Variants in PARP8 observed in about 807,000 individuals in gnomAD.
PARP8 encodes the protein poly(ADP-ribose) polymerase family member 8.
In PARP8, 51 loss-of-function variants were observed where a neutral mutation model predicts 124.1. That is an observed-to-expected ratio of 0.41 (90% confidence interval 0.33 to 0.52). The LOEUF (loss-of-function observed/expected upper bound fraction) is 0.52. PARP8 is among the 20% of genes least tolerant of loss of function. The pLI, the probability that PARP8 is intolerant of heterozygous loss-of-function variation, is 0.21. For synonymous variants in PARP8, 391 were observed against 361.5 expected, an observed-to-expected ratio of 1.08 and a Z score of -0.93; for missense variants, 860 against 1,018.9, an observed-to-expected ratio of 0.84 and a Z score of 2.12.
At chr5:50,687,135 G>A (rs926288531) in intron 2 of PARP8, among the ~76,000 whole-genome samples, 1 of 152,080 alleles carries the variant, frequency 6.6e-6, no homozygotes, top group Non-Finnish European at 1.5e-5. Context: ...AAAACTGAAT[G>A]CCTTTAACAG....
At chr5:50,667,500 A>G in intron 1 of PARP8, 2 of 700,104 alleles carry the variant, frequency 2.9e-6, no homozygotes, top group South Asian at 1.5e-5. Context: ...GCCTCCAAGC[A>G]CGCTTCCTGG....
intron 9 of PARP8, among the ~76,000 whole-genome samples, chr5:50,782,080 C>T (rs946597903): frequency 1.3e-5 from 2 of 152,170 alleles, no homozygotes; most frequent in Non-Finnish European, 2.9e-5. Context: ...CAGACCAATC[C>T]GGAGTGTCCT....
chr5:50,755,855 G>A (rs1035723893), intron 3 of PARP8, among the ~76,000 whole-genome samples: 3 of 151,890 alleles, frequency 2.0e-5, no homozygotes, highest in African/African-American at 4.8e-5. Flanking sequence ...CTTTTATTTT[G>A]TTCAGCAGTG....
intron 2 of PARP8, among the ~76,000 whole-genome samples, chr5:50,720,688 T>G (rs1400054993): frequency 1.3e-5 from 2 of 151,710 alleles, no homozygotes; most frequent in African/African-American, 4.8e-5. Context: ...AACATCAGGT[T>G]TCTATAGAAA....
intron 2 of PARP8, among the ~76,000 whole-genome samples, chr5:50,722,417 G>A (rs563871287): frequency 2.0e-5 from 3 of 152,124 alleles, no homozygotes; most frequent in East Asian, 1.9e-4. Context: ...GTTTGCAGAG[G>A]AGGATGAAGC....
chr5:50,815,840 T>C lies in PARP8; in HGVS notation c.1668+316T>C, dbSNP rs565996587. Among the ~76,000 whole-genome samples, 208 of 152,282 alleles carry C rather than the reference T, an allele frequency of 1.4e-3. 1 individual carries two copies. The highest frequency in any genetic ancestry group is 5.0e-3 in the African/African-American group (206 of 41,562). On this transcript the variant is annotated intron_variant, in intron 15 of 25. Transcript: ENST00000281631. ...GCATGCTTTATGTAAAATTTATTTG[T>C]AAAGATAACTGCCATAAAATGGAAG...
intron 15 of PARP8, among the ~76,000 whole-genome samples, chr5:50,820,579 T>C (rs1387313545): frequency 6.6e-6 from 1 of 152,286 alleles, no homozygotes; most frequent in South Asian, 2.1e-4. Flanking sequence ...TGGACTTGGA[T>C]AGAGGAGAAT....
rs1333918752 is a variant in PARP8 at position 50,844,370 on chromosome 5, T to C, written c.*2302T>C. 1 of 151,760 alleles carries C rather than the reference T, an allele frequency of 6.6e-6. No individual in the cohort carries two copies. Among genetic ancestry groups the C allele is most frequent in the Non-Finnish European group, 1.5e-5 (1 of 67,774 alleles). 9.4% of individuals were successfully genotyped at this position (151,760 alleles called of 1,614,324 possible). A position where few individuals can be genotyped will look rare whatever the true frequency, so the allele number is the denominator to read the frequency against. On this transcript the variant is annotated 3_prime_UTR_variant, in exon 26 of 26. Coordinates refer to ENST00000281631, the MANE Select transcript of PARP8 (RefSeq NM_024615.4). ...AATCTTATTTTTTAATTGAACTTTTTGAAATTAGGGATACTATAATAACTG... is the reference window on the plus strand; with the variant it reads ...AATCTTATTTTTTAATTGAACTTTTCGAAATTAGGGATACTATAATAACTG...
At position 50,794,834 on chromosome 5, in the gene PARP8, T is replaced by A. The variant is rs1742346033; in HGVS notation, c.864-19T>A. The A allele has an allele frequency of 6.3e-7, 1 of 1,598,800 alleles. No homozygotes were observed. The highest frequency in any genetic ancestry group is 8.5e-7 in the Non-Finnish European group (1 of 1,170,072). ...GTACCTGTGATTTGCCCTGTAGTAA[T>A]TGTTGTTCAATTTTGAAGGTCGCCA... is the stretch of plus-strand genomic sequence containing the variant. On this transcript the variant is annotated intron_variant, in intron 11 of 25. Coordinates refer to ENST00000281631, the MANE Select transcript of PARP8 (RefSeq NM_024615.4).
intron 3 of PARP8, among the ~76,000 whole-genome samples, chr5:50,755,132 C>T (rs1759778891): frequency 1.3e-5 from 2 of 152,096 alleles, no homozygotes; most frequent in Non-Finnish European, 2.9e-5. Context: ...CTGTAGGCTG[C>T]CTGTTCACTC....
intron 2 of PARP8, among the ~76,000 whole-genome samples, chr5:50,735,269 G>A (rs1405126372): frequency 6.6e-6 from 1 of 152,010 alleles, no homozygotes. Context: ...TCAATGTTGC[G>A]AATATCAAGT....
intron 2 of PARP8, 39 bp from the exon 3 acceptor site, chr5:50,750,112 G>A: frequency 6.8e-7 from 1 of 1,470,044 alleles, no homozygotes; most frequent in Admixed American, 1.8e-5. Context: ...GTCTACCTTA[G>A]CAATAACTTG....
At chr5:50,759,601 TA>T (rs751171420) in intron 3 of PARP8, 41 bp from the exon 4 acceptor site, 2 of 1,513,742 alleles carry the variant, frequency 1.3e-6, no homozygotes, top group African/African-American at 1.4e-5. Context: ...ATGTATTTTT[TA>T]AACTTATGCC....
intron 5 of PARP8, 55 bp downstream of exon 5, chr5:50,760,417 T>A: frequency 7.9e-7 from 1 of 1,273,490 alleles, no homozygotes. Flanking sequence ...ATTTAAAATT[T>A]ACTGGGTTTT....
chr5:50,667,510 G>C, intron 1 of PARP8: 2 of 697,418 alleles, frequency 2.9e-6, no homozygotes, highest in South Asian at 3.0e-5. Flanking sequence ...ACGCTTCCTG[G>C]GTTCCAGCAG....
Position 50,794,306 on chromosome 5 carries a change from C to T in PARP8, c.837C>T (p.Pro279=), listed in dbSNP as rs1362442783. 1 of 1,613,130 alleles carries T rather than the reference C, an allele frequency of 6.2e-7. No homozygotes were observed. Among genetic ancestry groups the T allele is most frequent in the African/African-American group, 1.3e-5 (1 of 74,978 alleles). Residue 279 remains proline (P), a synonymous_variant, in exon 11 of 26, where the codon CCC becomes CCT. Coordinates refer to ENST00000281631, the MANE Select transcript of PARP8 (RefSeq NM_024615.4). The part of the protein sequence containing the change: ...KKLSEKKVKS[P]LHLFSTLRRS... ...TGTCAGAGAAGAAAGTGAAGTCTCCCCTGCATTTATTTTCTACTTTGCGCA... is the reference window on the plus strand; with the variant it reads ...TGTCAGAGAAGAAAGTGAAGTCTCCTCTGCATTTATTTTCTACTTTGCGCA...
intron 2 of PARP8, among the ~76,000 whole-genome samples, chr5:50,699,086 A>G (rs1753322914): frequency 6.6e-6 from 1 of 152,218 alleles, no homozygotes. Flanking sequence ...CCACTTGGAA[A>G]AGGTTAAAAC....
intron 3 of PARP8, among the ~76,000 whole-genome samples, chr5:50,750,963 T>A (rs954678595): frequency 2.0e-5 from 3 of 152,156 alleles, no homozygotes; most frequent in African/African-American, 7.2e-5. Flanking sequence ...CCCTGTCTGA[T>A]AGTGTAGCAT....
intron 2 of PARP8, among the ~76,000 whole-genome samples, chr5:50,719,599 A>G (rs1216095267): frequency 2.0e-5 from 3 of 152,000 alleles, no homozygotes; most frequent in African/African-American, 7.2e-5. Flanking sequence ...ACCTTAATGT[A>G]TGTCCTTGGC....
Sources: gnomAD v4.1 joint callset for allele counts (sites outside exome capture counted in the v4.1 genomes callset) on GRCh38, gnomAD v4.1.1 for gene constraint, MANE v1.5 for transcripts, NCBI Gene and HGNC (gene_info 2026-07-23, HGNC 2026-07-21) for gene names.